The following ABLIM2 variants were observed in gnomAD, a reference collection of about 807,000 sequenced individuals.
The protein encoded by ABLIM2 is actin-binding LIM protein 2.
ABLIM2 carries 53 observed loss-of-function variants against 97.7 expected under a neutral mutation model. The observed-to-expected ratio is 0.54, with a 90% confidence interval of 0.44 to 0.68. The LOEUF is 0.68. Ranked by LOEUF, ABLIM2 falls within the 30% of genes least tolerant of loss-of-function variation. The pLI is 0.00. For synonymous variants in ABLIM2, 361 were observed against 345.8 expected, an observed-to-expected ratio of 1.04 and a Z score of -0.49; for missense variants, 835 against 867.2, an observed-to-expected ratio of 0.96 and a Z score of 0.47.
chr4:8,091,361 ATAT>A (rs1407352846), intron 3 of ABLIM2, among the ~76,000 whole-genome samples: 1 of 47,908 alleles, frequency 2.1e-5, no homozygotes, highest in African/African-American at 8.1e-5. Context: ...AATTATATAT[ATAT>A]TATATTACAT....
At chr4:8,144,530 A>G (rs1396075081) in intron 1 of ABLIM2, among the ~76,000 whole-genome samples, 1 of 146,250 alleles carries the variant, frequency 6.8e-6, no homozygotes, top group Admixed American at 6.7e-5. Flanking sequence ...GCTGACCCAC[A>G]TTTAATGCAG....
chr4:8,037,321 C>T (rs1321382781), intron 9 of ABLIM2, among the ~76,000 whole-genome samples: 1 of 135,834 alleles, frequency 7.4e-6, no homozygotes, highest in Non-Finnish European at 1.5e-5. Flanking sequence ...TGCATGCGCA[C>T]ACATGCACAC....
chr4:8,106,597 C>T lies in ABLIM2; in HGVS notation c.51G>A (p.Ser17=), dbSNP rs774672241. 2.7e-5 allele frequency: 44 copies of T among 1,611,884 alleles called. No individual in the cohort carries two copies. The highest frequency in any genetic ancestry group is 6.7e-5 in the African/African-American group (5 of 74,914). The stretch of plus-strand genomic sequence containing the variant: ...TGTTGCACAGGATCGCCGTGCTGGG[C>T]GACTTCTCCAGCGGGCTGGGAGCAG... ...PQAAPSPLEK[S]PSTAILCNTC... is the part of the protein sequence containing the mutation. Residue 17 remains serine (S), a synonymous_variant, in exon 2 of 21, where the codon TCG becomes TCA. Transcript: ENST00000447017.
At chr4:8,056,583 G>A (rs543892115) in intron 7 of ABLIM2, among the ~76,000 whole-genome samples, 1 of 151,824 alleles carries the variant, frequency 6.6e-6, no homozygotes, top group South Asian at 2.1e-4. Context: ...TTACAGGCAT[G>A]AGCCACCACA....
chr4:8,138,174 T>A (rs1237773834), intron 1 of ABLIM2, among the ~76,000 whole-genome samples: 1 of 148,196 alleles, frequency 6.7e-6, no homozygotes, highest in East Asian at 2.0e-4. Flanking sequence ...GAATGGGGAG[T>A]GAGTGTTTAA....
intron 14 of ABLIM2, among the ~76,000 whole-genome samples, chr4:8,013,195 T>C (rs1766251689): frequency 6.6e-6 from 1 of 151,940 alleles, no homozygotes; most frequent in African/African-American, 2.4e-5. Flanking sequence ...AAGCACTGTA[T>C]TGTGGTCTGG....
At position 8,032,920 on chromosome 4, in the gene ABLIM2, A is replaced by G. The variant is rs1331613110; in HGVS notation, c.1048-3144T>C. On this transcript the variant is annotated intron_variant, in intron 10 of 20. Coordinates refer to ENST00000447017, the MANE Select transcript of ABLIM2 (RefSeq NM_001130083.2). The surrounding 1 kb of genome is among the most constrained non-coding windows in gnomAD (Gnocchi z 4.3). ...CCCCGGGGAAACTGATTTCGTGCCA[A>G]TGAGCCCAGAGCTTGTCTCTACCTG... Among the ~76,000 whole-genome samples the G allele has an allele frequency of 2.0e-5, 3 of 152,178 alleles. No homozygotes were observed. The highest frequency in any genetic ancestry group is 4.4e-5 in the Non-Finnish European group (3 of 68,034).
chr4:8,041,599 T>G (rs1169378362), intron 9 of ABLIM2, among the ~76,000 whole-genome samples: 2 of 149,992 alleles, frequency 1.3e-5, no homozygotes, highest in Non-Finnish European at 3.0e-5. Context: ...TGCCAGTTTG[T>G]TTAAAAAAAA....
At chr4:8,074,959 T>C (rs1815028598) in intron 6 of ABLIM2, among the ~76,000 whole-genome samples, 1 of 151,874 alleles carries the variant, frequency 6.6e-6, no homozygotes, top group African/African-American at 2.4e-5. Context: ...CTAATTTTTG[T>C]AGTTGTAGTA....
chr4:8,100,521 C>T (rs1031384441), intron 2 of ABLIM2, among the ~76,000 whole-genome samples: 21 of 152,086 alleles, frequency 1.4e-4, no homozygotes, highest in Middle Eastern at 3.4e-3. Context: ...CTGAGGGGGG[C>T]GGATCACCTG....
In ABLIM2 at chr4:8,044,684, TCTCTCTCGAACG is replaced by T. The variant is rs1791071427; in HGVS notation, c.900+468_900+479del. On this transcript the variant is annotated intron_variant, in intron 9 of 20. Transcript: ENST00000447017. This position sits in a 1 kb window ranked among gnomAD's most constrained non-coding sequence, Gnocchi z 4.4. The stretch of plus-strand genomic sequence containing the variant: ...CACACACAGAGTCTCTCTCTCTCTC[TCTCTCTCGAACG>T]AACGAAAACGGGATCACATAATTTA... 6.6e-6 allele frequency among the ~76,000 whole-genome samples: 1 copy of T among 150,912 alleles called. No individual in the cohort carries two copies. Among genetic ancestry groups the T allele is most frequent in the Non-Finnish European group, 1.5e-5 (1 of 67,832 alleles).
chr4:8,133,313 G>A (rs748900308), intron 1 of ABLIM2, among the ~76,000 whole-genome samples: 21 of 152,206 alleles, frequency 1.4e-4, no homozygotes, highest in Non-Finnish European at 2.6e-4. Flanking sequence ...TCAACCCACA[G>A]CGGCGGCTTT....
At chr4:8,078,379 T>C (rs1817668992) in intron 5 of ABLIM2, among the ~76,000 whole-genome samples, 1 of 152,224 alleles carries the variant, frequency 6.6e-6, no homozygotes, top group African/African-American at 2.4e-5. Context: ...GCCAGGTGCA[T>C]AGGGCTCAGG....
rs1757726542 is a variant in ABLIM2 at position 8,002,221 on chromosome 4, CG to C, written c.1618+5837del. Among the ~76,000 whole-genome samples, 1 of 152,166 alleles carries C rather than the reference CG, an allele frequency of 6.6e-6. No homozygotes were observed. The highest frequency in any genetic ancestry group is 2.1e-4 in the South Asian group (1 of 4,828). ...CTCCGTCTGCCCCCTGGCAACCCCC[CG>C]GACGTCTCAGGCTCTCCAAGCCAAC... On this transcript the variant is annotated intron_variant, in intron 16 of 20. Coordinates refer to ENST00000447017, the MANE Select transcript of ABLIM2 (RefSeq NM_001130083.2). The surrounding 1 kb of genome is among the most constrained non-coding windows in gnomAD (Gnocchi z 6.1).
chr4:7,980,887 G>A (rs187685172), intron 20 of ABLIM2, among the ~76,000 whole-genome samples: 1 of 149,638 alleles, frequency 6.7e-6, no homozygotes, highest in East Asian at 2.0e-4. Flanking sequence ...TCTAAGGAAG[G>A]CCACCTATGA....
At chr4:8,024,808 A>G (rs1021714789) in intron 12 of ABLIM2, among the ~76,000 whole-genome samples, 2 of 152,234 alleles carry the variant, frequency 1.3e-5, no homozygotes, top group Non-Finnish European at 2.9e-5. Context: ...CATTCTGGAA[A>G]GAGGCTGGGT....
chr4:8,038,142 C>T (rs568641246), intron 9 of ABLIM2, among the ~76,000 whole-genome samples: 2 of 152,278 alleles, frequency 1.3e-5, no homozygotes, highest in South Asian at 4.2e-4. Flanking sequence ...GGGCTGAGCC[C>T]TCCATCATCT....
intron 17 of ABLIM2, among the ~76,000 whole-genome samples, chr4:7,987,804 A>G (rs1463188685): frequency 1.3e-5 from 2 of 152,088 alleles, no homozygotes; most frequent in Non-Finnish European, 2.9e-5. Context: ...CCGGTCTTGT[A>G]AGTGCGAAGT....
At chr4:8,137,387 T>A (rs1850337578) in intron 1 of ABLIM2, among the ~76,000 whole-genome samples, 1 of 151,276 alleles carries the variant, frequency 6.6e-6, no homozygotes, top group South Asian at 2.1e-4. Flanking sequence ...ACAAAGACAG[T>A]GGGGGCGGCC....
Sources: allele counts gnomAD v4.1 joint callset (sites outside exome capture counted in the v4.1 genomes callset), GRCh38; gene constraint gnomAD v4.1.1; non-coding constraint Gnocchi (gnomAD v3.1); transcripts MANE v1.5; gene names NCBI Gene and HGNC (gene_info 2026-07-23, HGNC 2026-07-21).